The following FIRRM variants were observed in gnomAD, a reference collection of about 807,000 sequenced individuals.
FIRRM encodes the protein FIGNL1-interacting regulator of recombination and mitosis.
the FIRRM span, chr1:169,854,017 T>G: frequency 3.4e-6 from 2 of 582,828 alleles, no homozygotes; most frequent in South Asian, 2.5e-5. Context: ...TGACACCAAA[T>G]CCTTATTTTA....
At chr1:169,814,753 T>C in the FIRRM span, among the ~76,000 whole-genome samples, 1 of 152,214 alleles carries the variant, frequency 6.6e-6, no homozygotes, top group Non-Finnish European at 1.5e-5. Flanking sequence ...CAAAATATGT[T>C]AATCAGCTCT....
the FIRRM span, chr1:169,827,972 C>A: frequency 1.2e-6 from 1 of 867,480 alleles, no homozygotes; most frequent in Non-Finnish European, 1.8e-6. Context: ...ATTGTGTAGA[C>A]ACACATATAT....
chr1:169,795,472 G>A, the FIRRM span: 5 of 1,265,446 alleles, frequency 4.0e-6, no homozygotes, highest in Non-Finnish European at 4.0e-6. Context: ...TGGATGTGGC[G>A]TTTTCTTCCA....
the FIRRM span, chr1:169,795,376 A>C: frequency 1.4e-6 from 2 of 1,408,310 alleles, no homozygotes. Context: ...GAGGGACTGG[A>C]GGGGAAGCGA....
At chr1:169,820,147 G>A in the FIRRM span, among the ~76,000 whole-genome samples, 1 of 152,220 alleles carries the variant, frequency 6.6e-6, no homozygotes, top group South Asian at 2.1e-4. Flanking sequence ...TGGGCAAGAT[G>A]AAAGAGTGGA....
At chr1:169,815,421 C>T in the FIRRM span, among the ~76,000 whole-genome samples, 39 of 152,074 alleles carry the variant, frequency 2.6e-4, no homozygotes, top group African/African-American at 9.4e-4. Context: ...TAGATTATTC[C>T]CTTTCTGGGA....
At chr1:169,837,437 G>A in the FIRRM span, among the ~76,000 whole-genome samples, 4 of 152,044 alleles carry the variant, frequency 2.6e-5, no homozygotes, top group Non-Finnish European at 5.9e-5. Context: ...TCTTCCATTC[G>A]ACAAAATACA....
At chr1:169,823,333 C>A in the FIRRM span, 1 of 780,998 alleles carries the variant, frequency 1.3e-6, no homozygotes, top group Non-Finnish European at 2.1e-6. Context: ...TGTTATTTTG[C>A]ATACCTTTGT....
At chr1:169,830,693 C>T in the FIRRM span, 2 of 1,612,696 alleles carry the variant, frequency 1.2e-6, no homozygotes, top group African/African-American at 2.7e-5. Context: ...TTTTATATTG[C>T]AGATATGGGA....
chr1:169,827,320 T>C, the FIRRM span: 1 of 860,066 alleles, frequency 1.2e-6, no homozygotes, highest in Non-Finnish European at 1.8e-6. Flanking sequence ...TTACTTTCTT[T>C]TCTTGAAACA....
At chr1:169,847,116 G>A in the FIRRM span, among the ~76,000 whole-genome samples, 2 of 151,870 alleles carry the variant, frequency 1.3e-5, no homozygotes, top group South Asian at 2.1e-4. Flanking sequence ...ATCTTATAGG[G>A]GCACAGTTTG....
At chr1:169,805,823 A>G in the FIRRM span, among the ~76,000 whole-genome samples, 1 of 152,254 alleles carries the variant, frequency 6.6e-6, no homozygotes. Flanking sequence ...TATAAAAACC[A>G]TTAACAAGTG....
At chr1:169,810,383 A>G in the FIRRM span, among the ~76,000 whole-genome samples, 2 of 152,220 alleles carry the variant, frequency 1.3e-5, no homozygotes, top group African/African-American at 4.8e-5. Context: ...GCTTAAAACA[A>G]TAGAATTTTA....
chr1:169,836,505 A>G, the FIRRM span, among the ~76,000 whole-genome samples: 4 of 152,350 alleles, frequency 2.6e-5, no homozygotes, highest in Admixed American at 2.6e-4. Flanking sequence ...GTTCTCTGCT[A>G]TAATCAAGTG....
chr1:169,840,532 A>T, the FIRRM span, among the ~76,000 whole-genome samples: 2 of 144,268 alleles, frequency 1.4e-5, no homozygotes, highest in East Asian at 2.0e-4. Context: ...TTTTGTTGAG[A>T]CGGAGTCTCG....
chr1:169,839,670 G>A, the FIRRM span, among the ~76,000 whole-genome samples: 1 of 152,208 alleles, frequency 6.6e-6, no homozygotes, highest in African/African-American at 2.4e-5. Flanking sequence ...TAGTTTGCAA[G>A]TATTTTCTCC....
At chr1:169,853,588 T>G in the FIRRM span, 2 of 963,380 alleles carry the variant, frequency 2.1e-6, no homozygotes, top group South Asian at 1.5e-5. Context: ...GACTGGATAA[T>G]GAGCTCCTGG....
At chr1:169,853,864 A>ATCTT in the FIRRM span, 5 of 1,410,958 alleles carry the variant, frequency 3.5e-6, no homozygotes, top group Non-Finnish European at 5.0e-6. Flanking sequence ...TTTAAAATTT[A>ATCTT]TCTTTTGATG....
chr1:169,797,439 T>C, the FIRRM span, among the ~76,000 whole-genome samples: 1 of 152,250 alleles, frequency 6.6e-6, no homozygotes, highest in Admixed American at 6.5e-5. Flanking sequence ...AATTCTACCC[T>C]ACTGAACTCA....
Sources: gnomAD v4.1 joint callset for allele counts (sites outside exome capture counted in the v4.1 genomes callset) on GRCh38, gnomAD v4.1.1 for gene constraint, MANE v1.5 for transcripts, NCBI Gene and HGNC (gene_info 2026-07-23, HGNC 2026-07-21) for gene names.